Variants in EPHB3 observed in about 807,000 individuals in gnomAD.
The protein encoded by EPHB3 is ephrin type-B receptor 3.
In EPHB3, 33 loss-of-function variants were observed where a neutral mutation model predicts 100.2. That is an observed-to-expected ratio of 0.33 (90% CI 0.25 to 0.44). The LOEUF (loss-of-function observed/expected upper bound fraction) is 0.44. Ranked by LOEUF, EPHB3 falls within the 20% of genes least tolerant of loss-of-function variation. The pLI, the probability that EPHB3 is intolerant of heterozygous loss-of-function variation, is 1.00. For missense variants in EPHB3, 1,045 were observed against 1,378.3 expected (o/e 0.76, Z 3.83); for synonymous variants, 526 against 554.7 (o/e 0.95, Z 0.73).
chr3:184,579,704 T>G lies in EPHB3; in HGVS notation c.1942T>G (p.Cys648Gly). ...VIGAGEFGEV[C>G]RGRLKQPGRR... Reference sequence around the variant, plus strand: ...CCCTGCAGGGGAATTTGGGGAAGTGTGCCGTGGTCGACTGAAACAGCCTGG... The same window carrying G: ...CCCTGCAGGGGAATTTGGGGAAGTGGGCCGTGGTCGACTGAAACAGCCTGG... The change falls in exon 11 of 16, where the codon TGC becomes GGC. Residue 648 changes from cysteine (C) to glycine (G), a missense_variant. By Grantham distance (159) the Cys-to-Gly change is radical. Coordinates refer to ENST00000330394, the MANE Select transcript of EPHB3 (RefSeq NM_004443.4). This position sits in a 1 kb window ranked among gnomAD's most constrained non-coding sequence, Gnocchi z 5.2. 6.2e-7 allele frequency: 1 copy of G among 1,611,458 alleles called. No individual in the cohort carries two copies.
Position 184,565,156 on chromosome 3 carries a change from G to T in EPHB3, c.118+2803G>T, listed in dbSNP as rs952106659. ...CCATGTGGATGGAGCCTGGGTCCTT[G>T]CTTGTCCTCGTGGTTGAAAACATGC... On this transcript the variant is annotated intron_variant, in intron 1 of 15. Transcript: ENST00000330394. The surrounding 1 kb of genome is among the most constrained non-coding windows in gnomAD (Gnocchi z 4.8). Among the ~76,000 whole-genome samples the T allele has an allele frequency of 1.3e-5, 2 of 152,070 alleles. No individual in the cohort carries two copies. The highest frequency in any genetic ancestry group is 4.1e-4 in the South Asian group (2 of 4,824).
In EPHB3 at chr3:184,575,835, C is replaced by A. The variant is rs775374120; in HGVS notation, c.862C>A (p.Pro288Thr). The A allele has an allele frequency of 1.9e-6, 3 of 1,602,490 alleles. No homozygotes were observed. Among genetic ancestry groups the A allele is most frequent in the South Asian group, 1.1e-5 (1 of 88,836 alleles). ...CATCCTCTTCTCTCCCACAGCCTGT[C>A]CCCCTGGGAGCTACAAGGCGAAGCA... is the stretch of plus-strand genomic sequence containing the variant. ...AAKESQCRPC[P>T]PGSYKAKQGE... The change falls in exon 4 of 16, where the codon CCC (proline) becomes ACC (threonine). Residue 288 changes from proline to threonine, a missense_variant. Physicochemically the swap from Pro to Thr is conservative, Grantham distance 38. Around this residue, in one of 2 missense-constraint regions of EPHB3, gnomAD observed 985 missense variants for 1,331.1 expected, o/e 0.74. Coordinates refer to ENST00000330394, the MANE Select transcript of EPHB3 (RefSeq NM_004443.4).
Position 184,569,381 on chromosome 3 carries a change from G to A in EPHB3, c.119-1937G>A, listed in dbSNP as rs1261854966. Among the ~76,000 whole-genome samples the A allele has an allele frequency of 6.6e-6, 1 of 151,858 alleles. No individual in the cohort carries two copies. The highest frequency in any genetic ancestry group is 1.5e-5 in the Non-Finnish European group (1 of 67,952). On this transcript the variant is annotated intron_variant, in intron 1 of 15. Coordinates refer to ENST00000330394, the MANE Select transcript of EPHB3 (RefSeq NM_004443.4). The surrounding 1 kb of genome is among the most constrained non-coding windows in gnomAD (Gnocchi z 5.4). Reference sequence around the variant, plus strand: ...TTTGTAGTCAGCCGCCGGCCATCCCGGCTGTCGGATCCCCGCCAGCCGGCT... The same window carrying A: ...TTTGTAGTCAGCCGCCGGCCATCCCAGCTGTCGGATCCCCGCCAGCCGGCT...
intron 4 of EPHB3, 39 bp from the exon 5 acceptor site, chr3:184,576,803 C>G (rs1714686114): frequency 6.6e-7 from 1 of 1,510,998 alleles, no homozygotes. Context: ...GGTCCTAGAG[C>G]CCCCAGCTCA....
rs1343688399 is a variant in EPHB3, at chr3:184,569,216, G to C, written c.119-2102G>C. On this transcript the variant is annotated intron_variant, in intron 1 of 15. Coordinates refer to ENST00000330394, the MANE Select transcript of EPHB3 (RefSeq NM_004443.4). This position sits in a 1 kb window ranked among gnomAD's most constrained non-coding sequence, Gnocchi z 5.4. ...GGACCGGCGGGCGGACCGGCGGGAG[G>C]ACTGGCTGCGGGGGCAGGGCGCGCT... Among the ~76,000 whole-genome samples, 5 of 152,048 alleles carry C rather than the reference G, an allele frequency of 3.3e-5. No homozygotes were observed. The highest frequency in any genetic ancestry group is 9.7e-5 in the African/African-American group (4 of 41,434).
rs773256225 is a variant in EPHB3, at chr3:184,572,760, C to G, written c.440C>G (p.Pro147Arg). ...AGCGATGTGGCCTCAGCCTCCTCCC[C>G]CTTCTGGATGGAGAACCCCTACGTG... ...ADSDVASASSPFWMENPYVKV... is the reference protein window; with the variant it reads ...ADSDVASASSRFWMENPYVKV... The change falls in exon 3 of 16, where the codon CCC (proline) becomes CGC (arginine). Residue 147 changes from proline to arginine, a missense_variant. Pro to Arg is a moderately radical substitution (Grantham distance 103). This residue lies in a region of EPHB3 where 985 missense variants were observed against 1,331.1 expected (regional missense o/e 0.74). Coordinates refer to ENST00000330394, the MANE Select transcript of EPHB3 (RefSeq NM_004443.4). This position sits in a 1 kb window ranked among gnomAD's most constrained non-coding sequence, Gnocchi z 6.6. The G allele has an allele frequency of 5.0e-6, 8 of 1,610,610 alleles. No individual in the cohort carries two copies. The highest frequency in any genetic ancestry group is 2.7e-5 in the African/African-American group (2 of 74,754).
In EPHB3 at chr3:184,565,660, C is replaced by T. The variant is rs564134858; in HGVS notation, c.118+3307C>T. 4.6e-5 allele frequency among the ~76,000 whole-genome samples: 7 copies of T among 152,328 alleles called. No individual in the cohort carries two copies. Among genetic ancestry groups the T allele is most frequent in the African/African-American group, 1.7e-4 (7 of 41,586 alleles). ...TGAGAACACGGGAACTGAGAGGGGACAGCGGGCCAGGATTTGGAGGGCTTG... is the reference window on the plus strand; with the variant it reads ...TGAGAACACGGGAACTGAGAGGGGATAGCGGGCCAGGATTTGGAGGGCTTG... On this transcript the variant is annotated intron_variant, in intron 1 of 15. Coordinates refer to ENST00000330394, the MANE Select transcript of EPHB3 (RefSeq NM_004443.4). The surrounding 1 kb of genome is among the most constrained non-coding windows in gnomAD (Gnocchi z 4.8).
Position 184,578,001 on chromosome 3 carries a change from C to T in EPHB3, c.1743C>T (p.Cys581=). 2.5e-6 allele frequency: 4 copies of T among 1,613,924 alleles called. No individual in the cohort carries two copies. The highest frequency in any genetic ancestry group is 3.4e-6 in the Non-Finnish European group (4 of 1,179,930). The change falls in exon 8 of 16, where the codon TGC becomes TGT. Residue 581 remains cysteine (C), a synonymous_variant. Coordinates refer to ENST00000330394, the MANE Select transcript of EPHB3 (RefSeq NM_004443.4). The surrounding 1 kb of genome is among the most constrained non-coding windows in gnomAD (Gnocchi z 4.7). ...CTGTCGTGGTCATCGCTATCGTCTG[C>T]CTCAGGTACTCCCAGGCCCACTGTT... The part of the protein sequence containing the change: ...VVAVVVIAIV[C]LRKQRHGSDS...
Position 184,577,177 on chromosome 3 carries a change from C to G in EPHB3, c.1348C>G (p.Gln450Glu). The change falls in exon 5 of 16, where the codon CAG becomes GAG. Residue 450 changes from glutamine (Q) to glutamate (E), a missense_variant. Coordinates refer to ENST00000330394, the MANE Select transcript of EPHB3 (RefSeq NM_004443.4). This position sits in a 1 kb window ranked among gnomAD's most constrained non-coding sequence, Gnocchi z 4.9. Reference sequence around the variant, plus strand: ...TGCGGCCGTGAATATCACCACAAACCAGGCTGGTGAGGAGGGGACACTGGA... The same window carrying G: ...TGCGGCCGTGAATATCACCACAAACGAGGCTGGTGAGGAGGGGACACTGGA... ...RYAAVNITTN[Q>E]AAPSEVPTLR... 1.9e-6 allele frequency: 3 copies of G among 1,596,672 alleles called. No individual in the cohort carries two copies. The highest frequency in any genetic ancestry group is 2.6e-6 in the Non-Finnish European group (3 of 1,168,776).
rs549078813 is a variant in EPHB3, at chr3:184,575,899, G to T, written c.926G>T (p.Arg309Leu). 2 of 1,613,492 alleles carry T rather than the reference G, an allele frequency of 1.2e-6. No individual in the cohort carries two copies. Among genetic ancestry groups the T allele is most frequent in the African/African-American group, 2.7e-5 (2 of 74,866 alleles). ...TGCCTCCCATGTCCCCCCAACAGCC[G>T]TACCACCTCCCCAGCCGCCAGCATC... ...GPCLPCPPNS[R>L]TTSPAASICT... The change falls in exon 4 of 16, where the codon CGT becomes CTT. Residue 309 changes from arginine (R) to leucine (L), a missense_variant. Transcript: ENST00000330394.
Position 184,579,228 on chromosome 3 carries a change from G to A in EPHB3, c.1802-249G>A, listed in dbSNP as rs1032751825. The stretch of plus-strand genomic sequence containing the variant: ...AGGCCTGGACAAGGTCGGGGCAGTG[G>A]GAACCAGGGGAGGCATGAATCTGAG... On this transcript the variant is annotated intron_variant, in intron 9 of 15. Transcript: ENST00000330394. This position sits in a 1 kb window ranked among gnomAD's most constrained non-coding sequence, Gnocchi z 5.2. Among the ~76,000 whole-genome samples, 4 of 152,146 alleles carry A rather than the reference G, an allele frequency of 2.6e-5. No homozygotes were observed. Among genetic ancestry groups the A allele is most frequent in the Admixed American group, 6.5e-5 (1 of 15,286 alleles).
intron 1 of EPHB3, among the ~76,000 whole-genome samples, chr3:184,564,966 CTTTG>C (rs1714346577): frequency 2.0e-5 from 3 of 152,110 alleles, no homozygotes; most frequent in Non-Finnish European, 4.4e-5. Context: ...CCTTGTGGCT[CTTTG>C]TGTCTGGGGC....
rs757427786 is a variant in EPHB3, at chr3:184,572,987, C to A, written c.667C>A (p.Pro223Thr). ...CACCACCGCAGGCTTCGCACTCTTC[C>A]CCGAGACCCTCACTGGGGCGGAGCC... ...ASTTAGFALF[P>T]ETLTGAEPTS... Residue 223 changes from proline (P) to threonine (T), a missense_variant, in exon 3 of 16, where the codon CCC (proline) becomes ACC (threonine). Pro to Thr is a conservative substitution (Grantham distance 38). This residue lies in a region of EPHB3 where 985 missense variants were observed against 1,331.1 expected (regional missense o/e 0.74). Transcript: ENST00000330394. The surrounding 1 kb of genome is among the most constrained non-coding windows in gnomAD (Gnocchi z 6.6). 6.2e-7 allele frequency: 1 copy of A among 1,608,174 alleles called. No individual in the cohort carries two copies. Among genetic ancestry groups the A allele is most frequent in the South Asian group, 1.1e-5 (1 of 90,324 alleles).
intron 1 of EPHB3, among the ~76,000 whole-genome samples, chr3:184,568,138 G>T (rs1001353174): frequency 6.6e-6 from 1 of 152,140 alleles, no homozygotes; most frequent in African/African-American, 2.4e-5. Context: ...GTTTGTGCAT[G>T]GGTGAGGGCC....
Position 184,579,385 on chromosome 3 carries a change from TGGGCTCAGCA to T in EPHB3, c.1802-88_1802-79del. The T allele has an allele frequency of 6.4e-7, 1 of 1,556,336 alleles. No individual in the cohort carries two copies. Among genetic ancestry groups the T allele is most frequent in the Non-Finnish European group, 8.7e-7 (1 of 1,145,426 alleles). On this transcript the variant is annotated intron_variant, in intron 9 of 15. Coordinates refer to ENST00000330394, the MANE Select transcript of EPHB3 (RefSeq NM_004443.4). This position sits in a 1 kb window ranked among gnomAD's most constrained non-coding sequence, Gnocchi z 5.2. ...GCAGCAACACAGAGGAATATGGGGC[TGGGCTCAGCA>T]GGGAGCCTGCTGGAGCTGTGCCCAT...
rs202154763 is a variant in EPHB3, at chr3:184,580,892, C to T, written c.2538+14C>T. The T allele has an allele frequency of 8.3e-4, 1,331 of 1,610,624 alleles. 12 individuals carry two copies. In the African/African-American group the frequency reaches 0.015, roughly 18 times the overall value. On this transcript the variant is annotated intron_variant, in intron 13 of 15. Coordinates refer to ENST00000330394, the MANE Select transcript of EPHB3 (RefSeq NM_004443.4). ...AGCAACCAGGATGTGAGTGAGGCTA[C>T]GCCAGAGTGGTTGGGTAGGTGGGTG... is the stretch of plus-strand genomic sequence containing the variant.
intron 3 of EPHB3, 125 bp from the exon 4 acceptor site, chr3:184,575,705 C>T: frequency 8.1e-7 from 1 of 1,241,418 alleles, no homozygotes; most frequent in Non-Finnish European, 1.1e-6. Flanking sequence ...AGCATTGCCC[C>T]CACAGTCTAG....
chr3:184,573,693 C>T lies in EPHB3; in HGVS notation c.856+517C>T, dbSNP rs940269121. On this transcript the variant is annotated intron_variant, in intron 3 of 15. Transcript: ENST00000330394. The surrounding 1 kb of genome is among the most constrained non-coding windows in gnomAD (Gnocchi z 4.5). ...TGAGTCCTGACTCTGTCACTTACCACTTACGTGACCTTGGGCAAGTTACTT... is the reference window on the plus strand; with the variant it reads ...TGAGTCCTGACTCTGTCACTTACCATTTACGTGACCTTGGGCAAGTTACTT... Among the ~76,000 whole-genome samples, 28 of 150,984 alleles carry T rather than the reference C, an allele frequency of 1.9e-4. No individual in the cohort carries two copies. Among genetic ancestry groups the T allele is most frequent in the Admixed American group, 1.6e-3 (24 of 15,166 alleles).
In EPHB3 at chr3:184,572,403, T is replaced by G; in HGVS notation, c.184-101T>G. ...CTGTATGCTCAGCCACTGCACACCATAGAAGCATCCCTGTGAAGTAAATAG... is the reference window on the plus strand; with the variant it reads ...CTGTATGCTCAGCCACTGCACACCAGAGAAGCATCCCTGTGAAGTAAATAG... On this transcript the variant is annotated intron_variant, in intron 2 of 15. Coordinates refer to ENST00000330394, the MANE Select transcript of EPHB3 (RefSeq NM_004443.4). This position sits in a 1 kb window ranked among gnomAD's most constrained non-coding sequence, Gnocchi z 6.6. 7.4e-7 allele frequency: 1 copy of G among 1,359,782 alleles called. No individual in the cohort carries two copies. The highest frequency in any genetic ancestry group is 9.7e-7 in the Non-Finnish European group (1 of 1,027,538). The allele number at this position is 1,359,782 out of a possible 1,614,324, so 84.2% of individuals were successfully genotyped here.
Sources: allele counts gnomAD v4.1 joint callset (sites outside exome capture counted in the v4.1 genomes callset), GRCh38; gene constraint gnomAD v4.1.1; regional missense constraint gnomAD v4.1.1; non-coding constraint Gnocchi (gnomAD v3.1); transcripts MANE v1.5; gene names NCBI Gene and HGNC (gene_info 2026-07-23, HGNC 2026-07-21).